The following RPS6KC1 variants were observed in gnomAD, a reference collection of about 807,000 sequenced individuals.
The protein encoded by RPS6KC1 is ribosomal protein S6 kinase C1.
Under a neutral mutation model 103.8 loss-of-function variants are expected in RPS6KC1, and 54 were observed. That is an observed-to-expected ratio of 0.52 (90% CI 0.42 to 0.65). The LOEUF (loss-of-function observed/expected upper bound fraction) is 0.65. Ranked by LOEUF, RPS6KC1 falls within the 30% of genes least tolerant of loss-of-function variation. The pLI is 0.00. For synonymous variants in RPS6KC1, 439 were observed against 438.7 expected, an observed-to-expected ratio of 1.00 and a Z score of -0.01; for missense variants, 1,151 against 1,253.8, an observed-to-expected ratio of 0.92 and a Z score of 1.24.
chr1:213,543,846 G>A, the RPS6KC1 span, among the ~76,000 whole-genome samples: 3 of 152,096 alleles, frequency 2.0e-5, no homozygotes, highest in African/African-American at 7.2e-5. Context: ...TGTAGACTTG[G>A]CTTAGGGATG....
At chr1:213,312,583 C>T in the RPS6KC1 span, among the ~76,000 whole-genome samples, 1 of 152,174 alleles carries the variant, frequency 6.6e-6, no homozygotes, top group Non-Finnish European at 1.5e-5. Flanking sequence ...ACTTGCCTAT[C>T]ATACTGTGCA....
chr1:213,405,628 T>C, the RPS6KC1 span, among the ~76,000 whole-genome samples: 1 of 152,172 alleles, frequency 6.6e-6, no homozygotes, highest in Admixed American at 6.5e-5. Context: ...CAAAAGCTTT[T>C]CCTGCCAGAT....
intron 12 of RPS6KC1, among the ~76,000 whole-genome samples, chr1:213,249,401 C>T (rs557696174): frequency 2.0e-5 from 3 of 152,286 alleles, no homozygotes; most frequent in South Asian, 4.1e-4. Flanking sequence ...ATTCTTCCTT[C>T]GAATAAATGT....
the RPS6KC1 span, among the ~76,000 whole-genome samples, chr1:213,445,721 C>T: frequency 3.3e-5 from 5 of 152,200 alleles, no homozygotes; most frequent in Admixed American, 6.5e-5. Flanking sequence ...GCCACACCCT[C>T]GTTATTGTGG....
At chr1:213,760,644 T>C in the RPS6KC1 span, among the ~76,000 whole-genome samples, 7 of 152,318 alleles carry the variant, frequency 4.6e-5, no homozygotes, top group African/African-American at 9.6e-5. Flanking sequence ...ACAAACAACA[T>C]TAGTAATCAG....
chr1:213,304,040 C>A, the RPS6KC1 span, among the ~76,000 whole-genome samples: 1 of 150,772 alleles, frequency 6.6e-6, no homozygotes, highest in Non-Finnish European at 1.5e-5. Context: ...CCCGTCTCTA[C>A]TAAAAATACA....
chr1:213,649,891 C>G, the RPS6KC1 span, among the ~76,000 whole-genome samples: 3 of 152,272 alleles, frequency 2.0e-5, 1 homozygote, highest in Non-Finnish European at 4.4e-5. Flanking sequence ...TGTGATGGTC[C>G]TTGTAACAGA....
At chr1:213,500,558 A>G in the RPS6KC1 span, among the ~76,000 whole-genome samples, 8 of 152,240 alleles carry the variant, frequency 5.3e-5, no homozygotes, top group Non-Finnish European at 7.3e-5. Context: ...ACATAATTGT[A>G]TATGCTAGAC....
At chr1:213,823,350 T>C in the RPS6KC1 span, among the ~76,000 whole-genome samples, 1 of 152,212 alleles carries the variant, frequency 6.6e-6, no homozygotes, top group Non-Finnish European at 1.5e-5. Flanking sequence ...TCTCCGTCAG[T>C]GCCCTTTCCT....
chr1:213,524,815 T>C, the RPS6KC1 span, among the ~76,000 whole-genome samples: 1 of 130,816 alleles, frequency 7.6e-6, no homozygotes, highest in African/African-American at 2.9e-5. Context: ...TATAAAGTTG[T>C]TTGATCTACA....
chr1:213,409,188 G>A, the RPS6KC1 span, among the ~76,000 whole-genome samples: 18,231 of 152,082 alleles, frequency 0.12, 1,460 homozygotes, highest in Non-Finnish European at 0.18. Context: ...CTAGAAGCCC[G>A]TGCAACCAAC....
the RPS6KC1 span, among the ~76,000 whole-genome samples, chr1:213,302,621 G>A: frequency 6.6e-6 from 1 of 152,158 alleles, no homozygotes; most frequent in Non-Finnish European, 1.5e-5. Context: ...ATCCAAAGGC[G>A]GGGTTGACGT....
At chr1:213,130,309 C>A (rs116543029) in intron 6 of RPS6KC1, among the ~76,000 whole-genome samples, 12 of 151,978 alleles carry the variant, frequency 7.9e-5, no homozygotes, top group Admixed American at 5.9e-4. Flanking sequence ...TTGGGTTTGC[C>A]GACTATTCTG....
At chr1:213,059,067 A>G (rs2077590823) in intron 1 of RPS6KC1, among the ~76,000 whole-genome samples, 2 of 152,208 alleles carry the variant, frequency 1.3e-5, no homozygotes, top group South Asian at 4.1e-4. Context: ...TTGCTAATAT[A>G]TAGAAATTTG....
chr1:213,464,803 C>T, the RPS6KC1 span, among the ~76,000 whole-genome samples: 5 of 151,466 alleles, frequency 3.3e-5, no homozygotes, highest in African/African-American at 9.7e-5. Flanking sequence ...ATCAGAAATG[C>T]ATTTACATTT....
chr1:213,798,379 C>A, the RPS6KC1 span, among the ~76,000 whole-genome samples: 1 of 152,138 alleles, frequency 6.6e-6, no homozygotes, highest in Admixed American at 6.5e-5. Flanking sequence ...CAAGTGGCTT[C>A]CCCATCTGCT....
chr1:213,701,621 T>G, the RPS6KC1 span, among the ~76,000 whole-genome samples: 4 of 152,108 alleles, frequency 2.6e-5, no homozygotes, highest in Non-Finnish European at 5.9e-5. Context: ...TTTTTGGATT[T>G]CTTCATGGTT....
chr1:213,316,089 G>A, the RPS6KC1 span, among the ~76,000 whole-genome samples: 1 of 152,222 alleles, frequency 6.6e-6, no homozygotes, highest in African/African-American at 2.4e-5. Context: ...GAGACCTGGT[G>A]GGAGGTGATG....
the RPS6KC1 span, among the ~76,000 whole-genome samples, chr1:213,386,638 G>A: frequency 6.6e-6 from 1 of 152,176 alleles, no homozygotes; most frequent in South Asian, 2.1e-4. Context: ...CTTTCACACA[G>A]CCTCTTCATC....
Sources: allele counts gnomAD v4.1 joint callset (sites outside exome capture counted in the v4.1 genomes callset), GRCh38; gene constraint gnomAD v4.1.1; transcripts MANE v1.5; gene names NCBI Gene and HGNC (gene_info 2026-07-23, HGNC 2026-07-21).